KLHL14: variants seen among roughly 807,000 people sequenced by gnomAD.
The protein encoded by KLHL14 is kelch like family member 14.
In KLHL14, 22 loss-of-function variants were observed where a neutral mutation model predicts 64.3. The observed-to-expected ratio is 0.34, with a 90% confidence interval of 0.24 to 0.49. The LOEUF (loss-of-function observed/expected upper bound fraction) is 0.49. Ranked by LOEUF, KLHL14 falls within the 20% of genes least tolerant of loss-of-function variation. The pLI is 0.99. For missense variants in KLHL14, 661 were observed against 789.0 expected, an observed-to-expected ratio of 0.84 and a Z score of 1.94; for synonymous variants, 322 against 333.4, an observed-to-expected ratio of 0.97 and a Z score of 0.37.
At chr18:32,761,706 T>C (rs2050315171) in intron 2 of KLHL14, among the ~76,000 whole-genome samples, 1 of 152,242 alleles carries the variant, frequency 6.6e-6, no homozygotes, top group Non-Finnish European at 1.5e-5. Context: ...CTCTTTTTAC[T>C]GTAAATTGCA....
At chr18:32,759,026 G>A (rs961076254) in intron 2 of KLHL14, among the ~76,000 whole-genome samples, 1 of 152,122 alleles carries the variant, frequency 6.6e-6, no homozygotes, top group African/African-American at 2.4e-5. Flanking sequence ...CTAAAATTGT[G>A]GTGATGGCCA....
intron 2 of KLHL14, 83 bp from the exon 3 acceptor site, chr18:32,742,132 A>C: frequency 7.0e-7 from 1 of 1,425,748 alleles, no homozygotes; most frequent in Non-Finnish European, 9.6e-7. Context: ...ACCATCAAAG[A>C]ATGTTCCTTG....
intron 2 of KLHL14, chr18:32,744,431 T>A (rs2050214148): frequency 6.7e-6 from 1 of 148,352 alleles, no homozygotes; most frequent in Non-Finnish European, 1.5e-5. Flanking sequence ...GGGCTGAGAT[T>A]GTGTCATTGC....
intron 3 of KLHL14, among the ~76,000 whole-genome samples, chr18:32,710,620 G>A (rs559624424): frequency 2.4e-4 from 36 of 152,330 alleles, no homozygotes; most frequent in African/African-American, 8.2e-4. Context: ...ATATACACAT[G>A]TAAATGTAAC....
At chr18:32,718,093 G>C (rs932660941) in intron 3 of KLHL14, among the ~76,000 whole-genome samples, 1 of 152,094 alleles carries the variant, frequency 6.6e-6, no homozygotes, top group African/African-American at 2.4e-5. Flanking sequence ...CCTATTCTGG[G>C]TTATGCAATA....
intron 2 of KLHL14, chr18:32,743,943 C>T (rs2050211752): frequency 6.6e-6 from 1 of 152,054 alleles, no homozygotes; most frequent in African/African-American, 2.4e-5. Context: ...AAGATGAAAA[C>T]AAATACTCTT....
intron 3 of KLHL14, among the ~76,000 whole-genome samples, chr18:32,719,434 G>T (rs542521866): frequency 6.6e-6 from 1 of 152,288 alleles, no homozygotes; most frequent in South Asian, 2.1e-4. Context: ...TTTATGAATG[G>T]ATACTTCTCT....
At chr18:32,697,747 AC>A (rs781622035) in intron 3 of KLHL14, among the ~76,000 whole-genome samples, 66 of 152,286 alleles carry the variant, frequency 4.3e-4, no homozygotes, top group Non-Finnish European at 5.9e-4. Context: ...TCATTTGATT[AC>A]CCCTATTGTT....
intron 2 of KLHL14, among the ~76,000 whole-genome samples, chr18:32,758,471 G>A (rs2050295013): frequency 1.3e-5 from 2 of 152,162 alleles, no homozygotes; most frequent in South Asian, 4.1e-4. Context: ...ATAAACTGCT[G>A]GTGTGAATGT....
chr18:32,765,343 G>A (rs2050336303), intron 2 of KLHL14, among the ~76,000 whole-genome samples: 1 of 152,102 alleles, frequency 6.6e-6, no homozygotes, highest in African/African-American at 2.4e-5. Context: ...ATACAAGCAT[G>A]AATTAAAACT....
intron 3 of KLHL14, among the ~76,000 whole-genome samples, chr18:32,730,841 T>A (rs1278418402): frequency 6.6e-6 from 1 of 152,168 alleles, no homozygotes; most frequent in African/African-American, 2.4e-5. Context: ...CTCAATGTTT[T>A]AAAAAAATAA....
At position 32,742,026 on chromosome 18, in the gene KLHL14, A is replaced by G. The variant is rs755586977; in HGVS notation, c.971T>C (p.Leu324Pro). The change falls in exon 3 of 9, where the codon CTG becomes CCG. Residue 324 changes from leucine (L) to proline (P), a missense_variant. Coordinates refer to ENST00000359358, the MANE Select transcript of KLHL14 (RefSeq NM_020805.3). Reference protein sequence around the residue: ...ASRIRSNKKMLLLVGGLPPGP... With the variant: ...ASRIRSNKKMPLLVGGLPPGP... ...AGGAGGCAGCCCTCCAACCAATAAC[A>G]GCATTTTCTTGTTAGAGCGAATTCT... 3.1e-6 allele frequency: 5 copies of G among 1,613,230 alleles called. No homozygotes were observed. Among genetic ancestry groups the G allele is most frequent in the Non-Finnish European group, 8.5e-7 (1 of 1,179,828 alleles).
chr18:32,766,057 T>G (rs2050341848), intron 2 of KLHL14, among the ~76,000 whole-genome samples: 1 of 152,116 alleles, frequency 6.6e-6, no homozygotes, highest in Non-Finnish European at 1.5e-5. Flanking sequence ...AAACTTTTGT[T>G]ATGTGCAATA....
At chr18:32,754,426 A>G (rs2421642) in intron 2 of KLHL14, among the ~76,000 whole-genome samples, 131,453 of 152,150 alleles carry the variant, frequency 0.86, 58,286 homozygotes, top group East Asian at 0.99. Context: ...CACCAAGGTC[A>G]CAAAATAATA....
intron 3 of KLHL14, among the ~76,000 whole-genome samples, chr18:32,703,437 A>G (rs2049975898): frequency 6.6e-6 from 1 of 152,228 alleles, no homozygotes. Flanking sequence ...TAAGGATTCT[A>G]TGGCTTCTAG....
At chr18:32,745,053 A>G (rs1362946439) in intron 2 of KLHL14, 16 of 152,244 alleles carry the variant, frequency 1.1e-4, no homozygotes, top group Admixed American at 1.0e-3. Flanking sequence ...ATGTGGAGGA[A>G]AAGGAAATCC....
At chr18:32,719,111 G>C (rs1185660431) in intron 3 of KLHL14, among the ~76,000 whole-genome samples, 1 of 152,122 alleles carries the variant, frequency 6.6e-6, no homozygotes, top group Non-Finnish European at 1.5e-5. Context: ...ACCACACCTG[G>C]GTAATTTTGT....
intron 7 of KLHL14, among the ~76,000 whole-genome samples, chr18:32,677,975 C>T (rs575991696): frequency 1.9e-3 from 293 of 152,266 alleles, no homozygotes; most frequent in Middle Eastern, 0.014. Flanking sequence ...GCATCTTTTA[C>T]CTTTTCCACA....
At chr18:32,760,317 T>C (rs975070532) in intron 2 of KLHL14, among the ~76,000 whole-genome samples, 3 of 143,978 alleles carry the variant, frequency 2.1e-5, no homozygotes, top group African/African-American at 7.9e-5. Context: ...CAATATGTGA[T>C]TGGACTGTGT....
Sources: allele counts gnomAD v4.1 joint callset (sites outside exome capture counted in the v4.1 genomes callset), GRCh38; gene constraint gnomAD v4.1.1; transcripts MANE v1.5; gene names NCBI Gene and HGNC (gene_info 2026-07-23, HGNC 2026-07-21).